The following DRD3 variants were observed in gnomAD, a reference collection of about 807,000 sequenced individuals.
DRD3 encodes the protein D(3) dopamine receptor.
A neutral mutation model predicts 36.3 loss-of-function variants in DRD3; 19 were observed. That is an observed-to-expected ratio of 0.52 (90% confidence interval 0.36 to 0.77). The LOEUF (loss-of-function observed/expected upper bound fraction) is 0.77. Among genes scored for constraint, DRD3 ranks in the 30% least tolerant of loss-of-function variants. The pLI, the probability that DRD3 is intolerant of heterozygous loss-of-function variation, is 0.00. For missense variants in DRD3, 465 were observed against 505.3 expected (o/e 0.92, Z 0.77); for synonymous variants, 195 against 203.7 (o/e 0.96, Z 0.36).
At chr3:114,135,094 C>T (rs1386741845) in intron 5 of DRD3, among the ~76,000 whole-genome samples, 1 of 152,158 alleles carries the variant, frequency 6.6e-6, no homozygotes, top group Non-Finnish European at 1.5e-5. Flanking sequence ...CATCTCCTTC[C>T]TAGCCTCTGG....
At chr3:114,194,208 C>T (rs2078025496) in intron 1 of DRD3, among the ~76,000 whole-genome samples, 1 of 152,150 alleles carries the variant, frequency 6.6e-6, no homozygotes. Flanking sequence ...TGTTTCCATC[C>T]AACTGGTGGT....
chr3:114,145,162 G>A (rs1236931307), intron 4 of DRD3, among the ~76,000 whole-genome samples: 1 of 152,010 alleles, frequency 6.6e-6, no homozygotes, highest in Admixed American at 6.6e-5. Context: ...TGGCTAGAGG[G>A]TAAGAAGTGC....
chr3:114,135,655 G>C (rs746301992), intron 5 of DRD3, among the ~76,000 whole-genome samples: 2 of 151,938 alleles, frequency 1.3e-5, no homozygotes, highest in Non-Finnish European at 2.9e-5. Flanking sequence ...TTACAACAGA[G>C]ATTATGGTGT....
intron 1 of DRD3, among the ~76,000 whole-genome samples, chr3:114,197,622 A>G (rs1363184154): frequency 6.6e-6 from 1 of 152,154 alleles, no homozygotes; most frequent in African/African-American, 2.4e-5. Context: ...GTTTTTGTTT[A>G]TAGTACAAGA....
chr3:114,188,468 T>A (rs1220060523), intron 1 of DRD3, among the ~76,000 whole-genome samples: 1 of 152,130 alleles, frequency 6.6e-6, no homozygotes, highest in Non-Finnish European at 1.5e-5. Flanking sequence ...CGCCTGGGCC[T>A]CCTAAAGTGC....
At chr3:114,143,297 C>T (rs1253721514) in intron 4 of DRD3, among the ~76,000 whole-genome samples, 1 of 151,588 alleles carries the variant, frequency 6.6e-6, no homozygotes, top group Non-Finnish European at 1.5e-5. Context: ...GGAGGTTACT[C>T]CTCCTCTGAG....
intron 1 of DRD3, among the ~76,000 whole-genome samples, chr3:114,187,997 AG>A (rs1342456924): frequency 6.6e-6 from 1 of 152,110 alleles, no homozygotes; most frequent in Admixed American, 6.5e-5. Context: ...GAAGAGAAAA[AG>A]AGAAGCAAAT....
chr3:114,176,987 A>G (rs563907628), intron 1 of DRD3, among the ~76,000 whole-genome samples: 1 of 152,196 alleles, frequency 6.6e-6, no homozygotes, highest in Non-Finnish European at 1.5e-5. Context: ...CAAACCAGTA[A>G]ATGATGGAGT....
At chr3:114,154,516 G>C (rs1489568778) in intron 3 of DRD3, among the ~76,000 whole-genome samples, 1 of 152,170 alleles carries the variant, frequency 6.6e-6, no homozygotes, top group South Asian at 2.1e-4. Context: ...CAGACAGGGG[G>C]CTCAATATAT....
At chr3:114,192,505 A>G (rs2078016088) in intron 1 of DRD3, among the ~76,000 whole-genome samples, 1 of 151,996 alleles carries the variant, frequency 6.6e-6, no homozygotes, top group African/African-American at 2.4e-5. Flanking sequence ...ATTTTGATAC[A>G]TTTTTTCTCT....
At chr3:114,180,728 A>G (rs2077942599), upstream of DRD3, among the ~76,000 whole-genome samples, 1 of 152,210 alleles carries the variant, frequency 6.6e-6, no homozygotes, top group Non-Finnish European at 1.5e-5. Flanking sequence ...GCATAAATGT[A>G]TTAGTTATAT....
chr3:114,181,415 C>A (rs1268393834), upstream of DRD3, among the ~76,000 whole-genome samples: 1 of 151,864 alleles, frequency 6.6e-6, no homozygotes, highest in Non-Finnish European at 1.5e-5. Flanking sequence ...TGAAGATTAG[C>A]AATTGCTCCT....
At chr3:114,182,752 T>C (rs367952577), upstream of DRD3, among the ~76,000 whole-genome samples, 56 of 152,300 alleles carry the variant, frequency 3.7e-4, no homozygotes, top group African/African-American at 1.3e-3. Flanking sequence ...AATCCTACTA[T>C]ATTTGTCTTT....
chr3:114,128,948 A>T (rs1236426402), intron 6 of DRD3, 36 bp from the exon 7 acceptor site: 1 of 1,522,124 alleles, frequency 6.6e-7, no homozygotes, highest in Admixed American at 2.1e-5. Flanking sequence ...TGGGTAAGGG[A>T]TTTGCTTACT....
chr3:114,156,781 T>C (rs1164242827), intron 3 of DRD3, among the ~76,000 whole-genome samples: 1 of 124,774 alleles, frequency 8.0e-6, no homozygotes, highest in East Asian at 2.3e-4. Context: ...CTTTCTTTCT[T>C]TCTTTCTTTC....
intron 2 of DRD3, among the ~76,000 whole-genome samples, chr3:114,168,063 C>T (rs1239905554): frequency 6.6e-6 from 1 of 152,150 alleles, no homozygotes; most frequent in Admixed American, 6.5e-5. Flanking sequence ...TTATAAAGTT[C>T]CTGGTATGAC....
chr3:114,197,279 T>C (rs1000426462), intron 1 of DRD3, among the ~76,000 whole-genome samples: 3 of 78,212 alleles, frequency 3.8e-5, no homozygotes, highest in Non-Finnish European at 6.7e-5. Context: ...TTAAAAAAAT[T>C]TTTTTTTTTT....
At chr3:114,173,078 T>C (rs2107886995) in intron 1 of DRD3, among the ~76,000 whole-genome samples, 1 of 152,090 alleles carries the variant, frequency 6.6e-6, no homozygotes, top group Non-Finnish European at 1.5e-5. Context: ...AGAGCCCTCA[T>C]GAATAAGATT....
chr3:114,164,818 C>T (rs2077767514), intron 2 of DRD3, among the ~76,000 whole-genome samples: 1 of 152,206 alleles, frequency 6.6e-6, no homozygotes, highest in African/African-American at 2.4e-5. Flanking sequence ...GTGGCACAAT[C>T]TCGGCTCACT....
Sources: allele counts gnomAD v4.1 joint callset (sites outside exome capture counted in the v4.1 genomes callset), GRCh38; gene constraint gnomAD v4.1.1; transcripts MANE v1.5; gene names NCBI Gene and HGNC (gene_info 2026-07-23, HGNC 2026-07-21).